Variants in TRABD2B observed in about 807,000 individuals in gnomAD.
TRABD2B encodes metalloprotease TIKI2.
TRABD2B carries 14 observed loss-of-function variants against 40.1 expected under a neutral mutation model. The observed-to-expected ratio is 0.35, with a 90% CI of 0.23 to 0.55. TRABD2B has a LOEUF of 0.55. Among genes scored for constraint, TRABD2B ranks in the 20% least tolerant of loss-of-function variants. TRABD2B has a pLI of 0.90. For synonymous variants in TRABD2B, 263 were observed against 277.0 expected, an observed-to-expected ratio of 0.95 and a Z score of 0.50; for missense variants, 541 against 648.6, an observed-to-expected ratio of 0.83 and a Z score of 1.80.
chr1:47,877,821 T>C (rs575616548), intron 2 of TRABD2B, among the ~76,000 whole-genome samples: 6 of 152,060 alleles, frequency 3.9e-5, no homozygotes, highest in Non-Finnish European at 7.4e-5. Flanking sequence ...GTTGAAACCC[T>C]GTCTCTAATA....
Position 47,765,759 on chromosome 1 carries a change from T to C in TRABD2B, c.*143A>G, listed in dbSNP as rs1410314442. ...AAAAGAAGATGTAACTTGGGTACAG[T>C]AAAGCTCTAGAGTGTCTAGCCAATC... On this transcript the variant is annotated 3_prime_UTR_variant, in exon 7 of 7. Transcript: ENST00000606738. 3.0e-6 allele frequency: 2 copies of C among 677,950 alleles called. No individual in the cohort carries two copies. The highest frequency in any genetic ancestry group is 1.6e-5 in the South Asian group (1 of 62,942). 42.0% of individuals were successfully genotyped at this position (677,950 alleles called of 1,614,324 possible).
chr1:47,903,681 T>G (rs891124669), intron 2 of TRABD2B, among the ~76,000 whole-genome samples: 7 of 151,982 alleles, frequency 4.6e-5, no homozygotes, highest in African/African-American at 1.5e-4. Context: ...GCAGTTAGAG[T>G]CAGTGCAGTT....
At chr1:47,993,475 G>A (rs969695491) in intron 2 of TRABD2B, among the ~76,000 whole-genome samples, 1 of 152,196 alleles carries the variant, frequency 6.6e-6, no homozygotes, top group Admixed American at 6.5e-5. Flanking sequence ...CCTGGCCTTA[G>A]CGAGGCGGTC....
At chr1:47,952,396 C>T (rs1645358246) in intron 2 of TRABD2B, among the ~76,000 whole-genome samples, 1 of 152,198 alleles carries the variant, frequency 6.6e-6, no homozygotes, top group Non-Finnish European at 1.5e-5. Context: ...CACTAAGACC[C>T]TGAGCAGACA....
intron 2 of TRABD2B, among the ~76,000 whole-genome samples, chr1:47,982,177 T>C (rs1188004841): frequency 6.6e-6 from 1 of 152,130 alleles, no homozygotes; most frequent in African/African-American, 2.4e-5. Flanking sequence ...AACCCATCCC[T>C]GCACTGGATG....
Position 47,766,240 on chromosome 1 carries a change from G to A in TRABD2B, c.1350-134C>T, listed in dbSNP as rs1029198835. On this transcript the variant is annotated intron_variant, in intron 6 of 6. Coordinates refer to ENST00000606738, the MANE Select transcript of TRABD2B (RefSeq NM_001194986.2). ...GAGAAGGGAACAAGGAGCTTGAGCA[G>A]GCAAACCGGGCAGCCCAGAGCCACA... 5 of 623,710 alleles carry A rather than the reference G, an allele frequency of 8.0e-6. No homozygotes were observed. In the African/African-American group the frequency reaches 9.1e-5, roughly 11 times the overall value. The allele number at this position is 623,710 out of a possible 1,614,324, so 38.6% of individuals were successfully genotyped here.
intron 4 of TRABD2B, among the ~76,000 whole-genome samples, chr1:47,780,653 G>C (rs558145477): frequency 1.3e-5 from 2 of 152,152 alleles, no homozygotes; most frequent in African/African-American, 2.4e-5. Flanking sequence ...CTGCAGGGTG[G>C]GATAAGAGTT....
intron 2 of TRABD2B, among the ~76,000 whole-genome samples, chr1:47,923,671 T>C (rs965932684): frequency 2.0e-5 from 3 of 152,098 alleles, no homozygotes; most frequent in Admixed American, 6.6e-5. Flanking sequence ...TCAGTAGACT[T>C]TGAGTAAAGC....
In TRABD2B at chr1:47,945,670, C is replaced by T. The variant is rs140857135; in HGVS notation, c.666+48364G>A. Among the ~76,000 whole-genome samples the T allele has an allele frequency of 3.2e-3, 494 of 152,224 alleles. 3 individuals are homozygous for T. Among genetic ancestry groups the T allele is most frequent in the Middle Eastern group, 0.031 (9 of 294 alleles). On this transcript the variant is annotated intron_variant, in intron 2 of 6. Transcript: ENST00000606738. ...AATGTCATATAAATGAATCATTTTT[C>T]GGTCTGACTTCTTTTCATTCAGCAC...
chr1:47,772,367 C>T (rs1644388077), intron 6 of TRABD2B, among the ~76,000 whole-genome samples: 2 of 151,664 alleles, frequency 1.3e-5, no homozygotes, highest in Admixed American at 6.6e-5. Flanking sequence ...GGACGGGGCA[C>T]CTCGGGTGGC....
chr1:47,957,824 G>T (rs1252581953), intron 2 of TRABD2B, among the ~76,000 whole-genome samples: 1 of 152,116 alleles, frequency 6.6e-6, no homozygotes, highest in African/African-American at 2.4e-5. Flanking sequence ...ACCTAGCAAC[G>T]CAGGCCAACA....
chr1:47,835,142 G>C (rs1645301641), intron 2 of TRABD2B, among the ~76,000 whole-genome samples: 1 of 152,090 alleles, frequency 6.6e-6, no homozygotes, highest in African/African-American at 2.4e-5. Context: ...TAGTTGAAAA[G>C]TACAATAACT....
chr1:47,802,360 GTGGCTCTAA>G (rs1195902711), intron 2 of TRABD2B, among the ~76,000 whole-genome samples: 2 of 152,154 alleles, frequency 1.3e-5, no homozygotes, highest in Non-Finnish European at 2.9e-5. Flanking sequence ...TTTGAGGATC[GTGGCTCTAA>G]TGGAACACAA....
intron 2 of TRABD2B, among the ~76,000 whole-genome samples, chr1:47,942,915 T>C (rs1256981837): frequency 1.3e-5 from 2 of 152,260 alleles, no homozygotes; most frequent in Non-Finnish European, 2.9e-5. Context: ...AAGCATTTAC[T>C]GATTCGTCAT....
Position 47,794,755 on chromosome 1 carries a change from GGGC to G in TRABD2B, c.816_818del (p.Pro273del). 3.9e-6 allele frequency: 6 copies of G among 1,525,320 alleles called. No individual in the cohort carries two copies. The highest frequency in any genetic ancestry group is 5.3e-6 in the Non-Finnish European group (6 of 1,141,548). 94.5% of individuals were successfully genotyped at this position (1,525,320 alleles called of 1,614,324 possible). On this transcript the variant is annotated inframe_deletion and splice_region_variant, in exon 4 of 7. Coordinates refer to ENST00000606738, the MANE Select transcript of TRABD2B (RefSeq NM_001194986.2). Reference sequence around the variant, plus strand: ...GCGGGAGGGTGGTGTTGATAAAGTTGGGCAGCTGCAAAGGCAAGACAGAGGCTG... The same window carrying G: ...GCGGGAGGGTGGTGTTGATAAAGTTGAGCTGCAAAGGCAAGACAGAGGCTG...
At chr1:47,887,118 A>T (rs961112241) in intron 2 of TRABD2B, among the ~76,000 whole-genome samples, 2 of 152,300 alleles carry the variant, frequency 1.3e-5, no homozygotes. Context: ...CCTTGAGGTA[A>T]ATCTAGTGAT....
chr1:47,968,836 G>A (rs1645640058), intron 2 of TRABD2B, among the ~76,000 whole-genome samples: 1 of 152,206 alleles, frequency 6.6e-6, no homozygotes, highest in South Asian at 2.1e-4. Flanking sequence ...AATGGAAGCT[G>A]CCTGAGGACC....
chr1:47,849,638 C>A (rs2124515828), intron 2 of TRABD2B, among the ~76,000 whole-genome samples: 1 of 152,334 alleles, frequency 6.6e-6, no homozygotes, highest in African/African-American at 2.4e-5. Context: ...TGTGTCTTTA[C>A]CTCTCTGTCT....
At chr1:47,838,912 C>T (rs75372722) in intron 2 of TRABD2B, among the ~76,000 whole-genome samples, 4,987 of 152,254 alleles carry the variant, frequency 0.033, 193 homozygotes, top group East Asian at 0.15. Flanking sequence ...GATGTCCAGG[C>T]AGGGGCGAAA....
Sources: allele counts gnomAD v4.1 joint callset (sites outside exome capture counted in the v4.1 genomes callset), GRCh38; gene constraint gnomAD v4.1.1; transcripts MANE v1.5; gene names NCBI Gene and HGNC (gene_info 2026-07-23, HGNC 2026-07-21).